Variants in MYT1L observed in about 807,000 individuals in gnomAD.
MYT1L encodes the protein myelin transcription factor 1-like protein.
MYT1L carries 12 observed loss-of-function variants against 126.7 expected under a neutral mutation model. The ratio of observed to expected loss-of-function variants is 0.09; its 90% CI spans 0.06 to 0.15. The LOEUF (loss-of-function observed/expected upper bound fraction) is 0.15. Among genes scored for constraint, MYT1L ranks in the 10% least tolerant of loss-of-function variants. The probability of loss-of-function intolerance (pLI) is 1.00; values close to 1 mark genes in which losing one functional copy is unlikely to be tolerated. For missense variants in MYT1L, 979 were observed against 1,585.2 expected, an observed-to-expected ratio of 0.62 and a Z score of 6.49; for synonymous variants, 541 against 604.2, an observed-to-expected ratio of 0.90 and a Z score of 1.53.
chr2:1,908,795 G>C (rs2051474986), intron 13 of MYT1L, among the ~76,000 whole-genome samples: 1 of 152,100 alleles, frequency 6.6e-6, no homozygotes, highest in Non-Finnish European at 1.5e-5. Flanking sequence ...TCCCTGAAAG[G>C]GTGGCTTCCT....
intron 1 of MYT1L, among the ~76,000 whole-genome samples, chr2:2,320,889 C>T (rs189403333): frequency 1.3e-5 from 2 of 152,302 alleles, no homozygotes; most frequent in East Asian, 1.9e-4. Context: ...ATTTCCCCCT[C>T]GCTCCTGCAA....
intron 3 of MYT1L, among the ~76,000 whole-genome samples, chr2:2,160,395 A>G (rs989070116): frequency 6.6e-6 from 1 of 152,232 alleles, no homozygotes; most frequent in Non-Finnish European, 1.5e-5. Flanking sequence ...TGGTTGATGA[A>G]GGAACGTTTT....
chr2:2,124,429 G>A (rs1015691731), intron 3 of MYT1L, among the ~76,000 whole-genome samples: 15 of 152,080 alleles, frequency 9.9e-5, no homozygotes, highest in Admixed American at 2.6e-4. Context: ...CTGAGTAGCT[G>A]GGATTACAGG....
chr2:2,077,602 G>C (rs1159389224), intron 3 of MYT1L, among the ~76,000 whole-genome samples: 1 of 152,176 alleles, frequency 6.6e-6, no homozygotes, highest in Admixed American at 6.5e-5. Context: ...GAGAGCTGAA[G>C]TGACTACAAG....
chr2:2,163,955 A>G (rs540089094), intron 3 of MYT1L, among the ~76,000 whole-genome samples: 1 of 152,082 alleles, frequency 6.6e-6, no homozygotes, highest in Non-Finnish European at 1.5e-5. Flanking sequence ...TTTTCCTCAT[A>G]ATTCTTATTC....
chr2:1,887,645 G>C lies in MYT1L; in HGVS notation c.2521-36C>G, dbSNP rs2048322536. ...AACACAGCTTCAGAGCCACACGGATGATCACATGGCACACAGACTGAGGGA... is the reference window on the plus strand; with the variant it reads ...AACACAGCTTCAGAGCCACACGGATCATCACATGGCACACAGACTGAGGGA... On this transcript the variant is annotated intron_variant, in intron 16 of 24. Transcript: ENST00000647738. The surrounding 1 kb of genome is among the most constrained non-coding windows in gnomAD (Gnocchi z 4.8). The C allele has an allele frequency of 1.9e-6, 3 of 1,613,678 alleles. No homozygotes were observed. Among genetic ancestry groups the C allele is most frequent in the Non-Finnish European group, 2.5e-6 (3 of 1,179,834 alleles).
At chr2:2,237,950 C>T (rs554738053) in intron 2 of MYT1L, among the ~76,000 whole-genome samples, 7 of 152,264 alleles carry the variant, frequency 4.6e-5, no homozygotes, top group East Asian at 3.9e-4. Flanking sequence ...GTTTAAAGAG[C>T]GGGGCACACG....
chr2:2,102,325 A>G (rs1414144395), intron 3 of MYT1L, among the ~76,000 whole-genome samples: 1 of 152,246 alleles, frequency 6.6e-6, no homozygotes, highest in Non-Finnish European at 1.5e-5. Context: ...TTCAAGAACC[A>G]CTAATGGAAC....
chr2:1,808,811 G>A (rs1445505723), intron 22 of MYT1L, among the ~76,000 whole-genome samples: 2 of 152,206 alleles, frequency 1.3e-5, no homozygotes, highest in African/African-American at 4.8e-5. Flanking sequence ...GTTCCAGGGA[G>A]TAAATCGTCC....
Position 1,887,167 on chromosome 2 carries a change from T to TA in MYT1L, c.2642+320dup, listed in dbSNP as rs11411775. On this transcript the variant is annotated intron_variant, in intron 17 of 24. Transcript: ENST00000647738. This position sits in a 1 kb window ranked among gnomAD's most constrained non-coding sequence, Gnocchi z 4.8. ...AAACAGCCAAAATAGTAAGTATGTTTAAAAAAAAAAAAAACTTTTAAAAAA... is the reference window on the plus strand; with the variant it reads ...AAACAGCCAAAATAGTAAGTATGTTTAAAAAAAAAAAAAAACTTTTAAAAAA... 94,119 of 326,678 alleles carry TA rather than the reference T, an allele frequency of 0.29. 2,449 individuals carry two copies. The highest frequency in any genetic ancestry group is 0.4 in the East Asian group (9,089 of 22,930). The allele number at this position is 326,678 out of a possible 1,614,324, so 20.2% of individuals were successfully genotyped here.
At chr2:2,139,445 C>T (rs990106822) in intron 3 of MYT1L, among the ~76,000 whole-genome samples, 3 of 151,372 alleles carry the variant, frequency 2.0e-5, no homozygotes, top group Admixed American at 2.0e-4. Flanking sequence ...CATGATGAAA[C>T]CCTGTTTCTA....
At chr2:2,196,941 A>G (rs1239828381) in intron 2 of MYT1L, among the ~76,000 whole-genome samples, 1 of 152,118 alleles carries the variant, frequency 6.6e-6, no homozygotes, top group East Asian at 1.9e-4. Context: ...ACCCAACTAA[A>G]TGCTGCTTTC....
chr2:2,054,761 A>G (rs1227748762), intron 3 of MYT1L, among the ~76,000 whole-genome samples: 6 of 151,784 alleles, frequency 4.0e-5, no homozygotes, highest in Admixed American at 3.9e-4. Flanking sequence ...GAGATGAGAT[A>G]CATGGAAATG....
intron 3 of MYT1L, among the ~76,000 whole-genome samples, chr2:2,116,766 C>G (rs993250004): frequency 6.6e-6 from 1 of 152,246 alleles, no homozygotes; most frequent in Non-Finnish European, 1.5e-5. Context: ...GACCACCAGG[C>G]TTGGAGGAAG....
At chr2:2,147,646 G>A (rs1042340831) in intron 3 of MYT1L, among the ~76,000 whole-genome samples, 3 of 152,200 alleles carry the variant, frequency 2.0e-5, no homozygotes, top group Non-Finnish European at 4.4e-5. Flanking sequence ...CTCTGCACCC[G>A]CAGGACGGGG....
intron 18 of MYT1L, among the ~76,000 whole-genome samples, chr2:1,883,158 C>T (rs1358726806): frequency 6.6e-6 from 1 of 152,096 alleles, no homozygotes; most frequent in Non-Finnish European, 1.5e-5. Context: ...TGTCGGGACT[C>T]GTGGTATTAT....
intron 3 of MYT1L, among the ~76,000 whole-genome samples, chr2:2,146,481 C>T (rs1228645392): frequency 1.3e-5 from 2 of 152,192 alleles, no homozygotes; most frequent in East Asian, 3.9e-4. Context: ...CTGCAGGGGT[C>T]CTGCCTCCCT....
At chr2:2,242,860 A>T (rs1406242355) in intron 2 of MYT1L, among the ~76,000 whole-genome samples, 1 of 152,222 alleles carries the variant, frequency 6.6e-6, no homozygotes, top group African/African-American at 2.4e-5. Context: ...GATGTGCCCA[A>T]GTTTTAGCAA....
intron 3 of MYT1L, among the ~76,000 whole-genome samples, chr2:2,113,266 T>C (rs556236686): frequency 6.6e-6 from 1 of 152,342 alleles, no homozygotes; most frequent in African/African-American, 2.4e-5. Context: ...AATTAAACTT[T>C]GGTCCTCCAA....
Sources: allele counts gnomAD v4.1 joint callset (sites outside exome capture counted in the v4.1 genomes callset), GRCh38; gene constraint gnomAD v4.1.1; non-coding constraint Gnocchi (gnomAD v3.1); transcripts MANE v1.5; gene names NCBI Gene and HGNC (gene_info 2026-07-23, HGNC 2026-07-21).